The following NEXMIF variants were observed in gnomAD, a reference collection of about 807,000 sequenced individuals.
NEXMIF encodes the protein XLMR protein related to neurite extension.
A neutral mutation model predicts 62.1 loss-of-function variants in NEXMIF; 8 were observed. The observed-to-expected ratio is 0.13, with a 90% CI of 0.08 to 0.23. NEXMIF has a LOEUF of 0.23. Among genes scored for constraint, NEXMIF ranks in the 10% least tolerant of loss-of-function variants. The pLI, the probability that NEXMIF is intolerant of heterozygous loss-of-function variation, is 1.00. For missense variants in NEXMIF, 976 were observed against 1,113.3 expected (o/e 0.88, Z 1.75); for synonymous variants, 404 against 416.6 (o/e 0.97, Z 0.37).
intron 1 of NEXMIF, among the ~76,000 whole-genome samples, chrX:74,766,714 A>C (rs983198232): frequency 8.9e-6 from 1 of 112,148 alleles, no homozygotes; most frequent in African/African-American, 3.2e-5. Context: ...CATATTCTGC[A>C]TTCTATTTGT....
intron 1 of NEXMIF, among the ~76,000 whole-genome samples, chrX:74,763,163 C>A (rs1325259650): frequency 8.9e-6 from 1 of 111,841 alleles, no homozygotes; most frequent in Non-Finnish European, 1.9e-5. Context: ...AGGAAGGGAT[C>A]CAGTTTCAGC....
At chrX:74,790,658 G>C (rs1239553237) in intron 1 of NEXMIF, among the ~76,000 whole-genome samples, 1 of 113,575 alleles carries the variant, frequency 8.8e-6, no homozygotes, top group Admixed American at 9.2e-5. Context: ...TCATTGAGCA[G>C]TAGTTTGTAG....
intron 1 of NEXMIF, among the ~76,000 whole-genome samples, chrX:74,922,338 GT>G (rs1294264826): frequency 0.02 from 56 of 2,760 alleles, no homozygotes; most frequent in African/African-American, 0.044. Flanking sequence ...GGTGTTATGG[GT>G]GTGTGTGTGT....
rs370043852 is a variant in NEXMIF at position 74,796,209 on chromosome X, T to A, written c.-47-50512A>T. Among the ~76,000 whole-genome samples the A allele has an allele frequency of 2.0e-3, 95 of 46,570 alleles. 1 individual carries two copies. The highest frequency in any genetic ancestry group is 0.01 in the South Asian group (11 of 1,096). The allele number at this position is 46,570 out of a possible 115,157, so 40.4% of individuals were successfully genotyped here. A position where few individuals can be genotyped will look rare whatever the true frequency, so the allele number is the denominator to read the frequency against. On this transcript the variant is annotated intron_variant, in intron 1 of 3. Coordinates refer to ENST00000055682, the MANE Select transcript of NEXMIF (RefSeq NM_001008537.3). ...TATATATTATATATATACATATATATTATATATATATACATATATAATATA... is the reference window on the plus strand; with the variant it reads ...TATATATTATATATATACATATATAATATATATATATACATATATAATATA...
chrX:74,868,166 C>G (rs2147502971), intron 1 of NEXMIF, among the ~76,000 whole-genome samples: 1 of 112,221 alleles, frequency 8.9e-6, no homozygotes, highest in African/African-American at 3.2e-5. Context: ...AACACTTTCA[C>G]ACTGTTGGTG....
At chrX:74,794,950 C>T (rs1247599182) in intron 1 of NEXMIF, among the ~76,000 whole-genome samples, 1 of 111,957 alleles carries the variant, frequency 8.9e-6, no homozygotes, top group Non-Finnish European at 1.9e-5. Flanking sequence ...GTTGCTCACG[C>T]TGGGAGCTGT....
At chrX:74,863,637 A>G (rs991479392) in intron 1 of NEXMIF, among the ~76,000 whole-genome samples, 3 of 111,590 alleles carry the variant, frequency 2.7e-5, no homozygotes, top group African/African-American at 9.8e-5. Context: ...GTAATAAATA[A>G]AAGCCCAGGA....
At chrX:74,904,188 G>T (rs1198139084) in intron 1 of NEXMIF, among the ~76,000 whole-genome samples, 1 of 110,794 alleles carries the variant, frequency 9.0e-6, no homozygotes, top group Non-Finnish European at 1.9e-5. Context: ...ATATTAGAGT[G>T]ACCCTTGGTC....
At chrX:74,785,318 A>C (rs190477692) in intron 1 of NEXMIF, among the ~76,000 whole-genome samples, 1 of 110,988 alleles carries the variant, frequency 9.0e-6, no homozygotes, top group African/African-American at 3.3e-5. Flanking sequence ...AGTAGAATTC[A>C]GTTCTTTCCA....
At position 74,839,899 on chromosome X, in the gene NEXMIF, G is replaced by A. The variant is rs191297596; in HGVS notation, c.-48+84984C>T. Among the ~76,000 whole-genome samples, 4 of 111,707 alleles carry A rather than the reference G, an allele frequency of 3.6e-5. No homozygotes were observed. The East Asian group carries it at 1.1e-3, about 32-fold the overall frequency. ...TTCAGATGCCTGTGTCTTTATGGTA[G>A]GATGATTTATATTCCTCTGGGTATA... On this transcript the variant is annotated intron_variant, in intron 1 of 3. Coordinates refer to ENST00000055682, the MANE Select transcript of NEXMIF (RefSeq NM_001008537.3).
intron 1 of NEXMIF, among the ~76,000 whole-genome samples, chrX:74,887,326 T>G (rs1405766621): frequency 1.8e-5 from 2 of 111,000 alleles, no homozygotes; most frequent in African/African-American, 6.6e-5. Context: ...AAAGAGCTTC[T>G]GCACAGCAAA....
intron 1 of NEXMIF, among the ~76,000 whole-genome samples, chrX:74,765,191 C>G (rs2080191166): frequency 1.8e-5 from 2 of 111,623 alleles, no homozygotes; most frequent in South Asian, 7.5e-4. Flanking sequence ...CCTTTTTAGT[C>G]TTTTTAAAAG....
At position 74,740,783 on chromosome X, in the gene NEXMIF, C is replaced by T. The variant is rs1602210889; in HGVS notation, c.3774G>A (p.Leu1258=). 8.3e-7 allele frequency: 1 copy of T among 1,211,804 alleles called. No homozygotes were observed. The change falls in exon 3 of 4, where the codon TTG becomes TTA. Residue 1258 remains leucine, a synonymous_variant. Transcript: ENST00000055682. ...GGCCACCATGTTGGATACATTCAGCCAATGTCTTCCCAGTGGAGGATATGG... is the reference window on the plus strand; with the variant it reads ...GGCCACCATGTTGGATACATTCAGCTAATGTCTTCCCAGTGGAGGATATGG... ...TNTISSTGKT[L]AECIQHGGPM... is the part of the protein sequence containing the mutation.
intron 1 of NEXMIF, among the ~76,000 whole-genome samples, chrX:74,771,762 A>G (rs2080211100): frequency 9.0e-6 from 1 of 110,995 alleles, no homozygotes; most frequent in Non-Finnish European, 1.9e-5. Flanking sequence ...AATAATAGTT[A>G]CCTCATAGGC....
chrX:74,803,134 A>T (rs1351448379), intron 1 of NEXMIF, among the ~76,000 whole-genome samples: 1 of 112,202 alleles, frequency 8.9e-6, no homozygotes, highest in Admixed American at 9.5e-5. Flanking sequence ...ACAGAGATAA[A>T]GGTAGAAAGC....
At chrX:74,823,074 C>T (rs2080402710) in intron 1 of NEXMIF, among the ~76,000 whole-genome samples, 2 of 111,663 alleles carry the variant, frequency 1.8e-5, no homozygotes, top group South Asian at 3.7e-4. Context: ...AACATTATGC[C>T]AACTAAAAGA....
rs753698985 is a variant in NEXMIF at position 74,785,417 on chromosome X, C to T, written c.-47-39720G>A. ...GTAGATAAAATGGTATCAGAGGTAC[C>T]TTTTAGCTCTGACAGACATTAACTG... On this transcript the variant is annotated intron_variant, in intron 1 of 3. Coordinates refer to ENST00000055682, the MANE Select transcript of NEXMIF (RefSeq NM_001008537.3). Among the ~76,000 whole-genome samples, 212 of 110,386 alleles carry T rather than the reference C, an allele frequency of 1.9e-3. 2 individuals are homozygous for T. In the South Asian group the frequency reaches 0.028, roughly 15 times the overall value.
chrX:74,871,139 G>T (rs1465220653), intron 1 of NEXMIF, among the ~76,000 whole-genome samples: 1 of 111,631 alleles, frequency 9.0e-6, no homozygotes, highest in Non-Finnish European at 1.9e-5. Context: ...TTCAATGTAG[G>T]TTCTTTTCTA....
At chrX:74,878,092 G>A (rs1194590839) in intron 1 of NEXMIF, among the ~76,000 whole-genome samples, 1 of 111,558 alleles carries the variant, frequency 9.0e-6, no homozygotes, top group Non-Finnish European at 1.9e-5. Context: ...CAGTTTTTCT[G>A]TTCTGTTTTT....
Sources: allele counts gnomAD v4.1 joint callset (sites outside exome capture counted in the v4.1 genomes callset), GRCh38; gene constraint gnomAD v4.1.1; transcripts MANE v1.5; gene names NCBI Gene and HGNC (gene_info 2026-07-23, HGNC 2026-07-21).